The following GNAT3 variants were observed in gnomAD, a reference collection of about 807,000 sequenced individuals.
GNAT3 encodes G protein subunit alpha transducin 3, also known as guanine nucleotide-binding protein G(t) subunit alpha-3.
GNAT3 carries 31 observed loss-of-function variants against 37.7 expected under a neutral mutation model. That is an observed-to-expected ratio of 0.82 (90% confidence interval 0.62 to 1.11). The LOEUF (loss-of-function observed/expected upper bound fraction) is 1.11. Among genes scored for constraint, GNAT3 ranks in the 50% most tolerant of loss-of-function variants. The pLI is 0.00. For missense variants in GNAT3, 437 were observed against 412.5 expected (o/e 1.06, Z -0.51); for synonymous variants, 138 against 139.8 (o/e 0.99, Z 0.09).
intron 1 of GNAT3, among the ~76,000 whole-genome samples, chr7:80,508,996 A>T (rs1791004322): frequency 6.6e-6 from 1 of 152,094 alleles, no homozygotes; most frequent in Non-Finnish European, 1.5e-5. Flanking sequence ...GGTTAGTTCC[A>T]TGTGACATGT....
At chr7:80,495,555 C>T (rs1413171546) in intron 1 of GNAT3, among the ~76,000 whole-genome samples, 2 of 151,848 alleles carry the variant, frequency 1.3e-5, no homozygotes, top group African/African-American at 4.8e-5. Flanking sequence ...CTGCGACCTC[C>T]ACCTCCTGGG....
intron 1 of GNAT3, among the ~76,000 whole-genome samples, chr7:80,500,377 G>T (rs1377168195): frequency 6.6e-6 from 1 of 151,870 alleles, no homozygotes; most frequent in Non-Finnish European, 1.5e-5. Context: ...ATTCCATTTT[G>T]CTTATTTGCG....
At chr7:80,506,115 G>A (rs1790935662) in intron 1 of GNAT3, among the ~76,000 whole-genome samples, 1 of 152,088 alleles carries the variant, frequency 6.6e-6, no homozygotes, top group Non-Finnish European at 1.5e-5. Context: ...AACTGCTCAT[G>A]TTGCTTATAT....
At chr7:80,465,684 T>C (rs1790118197) in intron 5 of GNAT3, among the ~76,000 whole-genome samples, 1 of 152,088 alleles carries the variant, frequency 6.6e-6, no homozygotes, top group Admixed American at 6.6e-5. Flanking sequence ...ACAGAAATTA[T>C]CTTCACTGTG....
chr7:80,459,552 C>G (rs1790015427), intron 7 of GNAT3, among the ~76,000 whole-genome samples: 1 of 152,150 alleles, frequency 6.6e-6, no homozygotes. Flanking sequence ...AATGAAGGCT[C>G]TGCTTGAGAA....
At chr7:80,511,461 A>G (rs1268940073) in intron 1 of GNAT3, among the ~76,000 whole-genome samples, 2 of 152,086 alleles carry the variant, frequency 1.3e-5, no homozygotes, top group East Asian at 1.9e-4. Flanking sequence ...CTTGTAGCTA[A>G]AGGATTTCTT....
chr7:80,488,754 G>A (rs1790536154), intron 2 of GNAT3, 78 bp from the exon 3 acceptor site: 2 of 1,072,322 alleles, frequency 1.9e-6, no homozygotes, highest in Non-Finnish European at 2.7e-6. Context: ...TAAGTTGCTT[G>A]AATAAAATTA....
intron 1 of GNAT3, among the ~76,000 whole-genome samples, chr7:80,504,952 A>T (rs1790904244): frequency 6.6e-6 from 1 of 152,240 alleles, no homozygotes. Flanking sequence ...GCCCAGCTAA[A>T]TTTAAAACGT....
chr7:80,499,075 TA>T (rs1034063370), intron 1 of GNAT3, among the ~76,000 whole-genome samples: 3 of 152,144 alleles, frequency 2.0e-5, no homozygotes, highest in African/African-American at 7.2e-5. Context: ...TAATCACACA[TA>T]AGATTTTTTT....
At position 80,496,283 on chromosome 7, in the gene GNAT3, A is replaced by G. The variant is rs113539242; in HGVS notation, c.119-1636T>C. On this transcript the variant is annotated intron_variant, in intron 1 of 7. Coordinates refer to ENST00000398291, the MANE Select transcript of GNAT3 (RefSeq NM_001102386.3). ...GTAGCTGGGATTACAGGTGTGCGCC[A>G]TCATGCCCAGTTAATTTTTGTATTT... 8.8e-3 allele frequency among the ~76,000 whole-genome samples: 1,347 copies of G among 152,240 alleles called. 21 individuals are homozygous for G. The highest frequency in any genetic ancestry group is 0.031 in the African/African-American group (1,287 of 41,534).
At chr7:80,480,334 A>G (rs951910908) in intron 3 of GNAT3, among the ~76,000 whole-genome samples, 7 of 152,180 alleles carry the variant, frequency 4.6e-5, no homozygotes, top group African/African-American at 1.7e-4. Context: ...TGAGGAATCT[A>G]AAACTCAGAG....
chr7:80,477,974 A>G (rs1157281055), intron 4 of GNAT3, among the ~76,000 whole-genome samples: 5 of 152,198 alleles, frequency 3.3e-5, no homozygotes, highest in African/African-American at 4.8e-5. Flanking sequence ...ACAGTGGTGC[A>G]GTCTCTGCCT....
chr7:80,469,705 A>G (rs1790178699), intron 5 of GNAT3, among the ~76,000 whole-genome samples: 1 of 152,156 alleles, frequency 6.6e-6, no homozygotes, highest in Non-Finnish European at 1.5e-5. Flanking sequence ...TGTGAATACA[A>G]ATCAATGCTA....
chr7:80,503,018 C>A (rs1015687796), intron 1 of GNAT3, among the ~76,000 whole-genome samples: 1 of 152,074 alleles, frequency 6.6e-6, no homozygotes, highest in Admixed American at 6.6e-5. Context: ...CTCATTAAAT[C>A]TTTGAGCCAT....
At chr7:80,474,968 A>C (rs1445815252) in intron 4 of GNAT3, among the ~76,000 whole-genome samples, 1 of 152,140 alleles carries the variant, frequency 6.6e-6, no homozygotes, top group African/African-American at 2.4e-5. Context: ...AGCCATTTCC[A>C]TTAAATGCCA....
At chr7:80,474,424 TAA>T in intron 4 of GNAT3, 45 bp from the exon 5 acceptor site, 1 of 857,152 alleles carries the variant, frequency 1.2e-6, no homozygotes, top group Non-Finnish European at 1.8e-6. Context: ...ATATAATACA[TAA>T]ATACATACAT....
At chr7:80,481,081 C>A (rs1186931068) in intron 3 of GNAT3, among the ~76,000 whole-genome samples, 4 of 151,862 alleles carry the variant, frequency 2.6e-5, no homozygotes, top group Non-Finnish European at 4.4e-5. Flanking sequence ...ACCATTTTAT[C>A]AAAAATCTGT....
chr7:80,495,541 C>T (rs1199014822), intron 1 of GNAT3, among the ~76,000 whole-genome samples: 1 of 151,970 alleles, frequency 6.6e-6, no homozygotes, highest in African/African-American at 2.4e-5. Flanking sequence ...GTGATCTCAG[C>T]TCACTGCGAC....
At chr7:80,504,089 G>A (rs1274626852) in intron 1 of GNAT3, among the ~76,000 whole-genome samples, 1 of 152,204 alleles carries the variant, frequency 6.6e-6, no homozygotes, top group East Asian at 1.9e-4. Flanking sequence ...GCCGAGACAG[G>A]CAGATCGCTT....
Sources: allele counts gnomAD v4.1 joint callset (sites outside exome capture counted in the v4.1 genomes callset), GRCh38; gene constraint gnomAD v4.1.1; transcripts MANE v1.5; gene names NCBI Gene and HGNC (gene_info 2026-07-23, HGNC 2026-07-21).